Variants in ZNF891 observed in about 807,000 individuals in gnomAD.
The protein encoded by ZNF891 is hCG1646157.
For missense variants in ZNF891, 589 were observed against 632.7 expected, an observed-to-expected ratio of 0.93 and a Z score of 0.74; for synonymous variants, 199 against 209.0, an observed-to-expected ratio of 0.95 and a Z score of 0.41.
At chr12:133,125,743 G>T in intron 1 of ZNF891, 6 of 422,128 alleles carry the variant, frequency 1.4e-5, no homozygotes, top group Non-Finnish European at 2.8e-5. Flanking sequence ...GAAGAGGATA[G>T]AAGGTAACAC....
chr12:133,113,147 G>A lies in ZNF891; in HGVS notation c.*7137C>T, dbSNP rs1019435009. ...ATATATTTTTCAATTTTTTTAATCT[G>A]GTATTTAAAAAAATGAAAAGAATCT... is the stretch of plus-strand genomic sequence containing the variant. On this transcript the variant is annotated 3_prime_UTR_variant, in exon 2 of 2. Coordinates refer to ENST00000537226, the MANE Select transcript of ZNF891 (RefSeq NM_001277291.2). 6.7e-6 allele frequency: 1 copy of A among 148,196 alleles called. No individual in the cohort carries two copies. Among genetic ancestry groups the A allele is most frequent in the Non-Finnish European group, 1.5e-5 (1 of 67,172 alleles). 9.2% of individuals were successfully genotyped at this position (148,196 alleles called of 1,614,324 possible).
chr12:133,117,674 T>C lies in ZNF891; in HGVS notation c.*2610A>G, dbSNP rs1467507799. ...TAGAATTCAAACATGTTCTAGTTTT[T>C]CATATTTTAAACATATTATCTCTTT... On this transcript the variant is annotated 3_prime_UTR_variant, in exon 2 of 2. Transcript: ENST00000537226. 1.3e-5 allele frequency: 2 copies of C among 152,260 alleles called. No homozygotes were observed. The highest frequency in any genetic ancestry group is 2.9e-5 in the Non-Finnish European group (2 of 68,044). The allele number at this position is 152,260 out of a possible 1,614,324, so 9.4% of individuals were successfully genotyped here. A position where few individuals can be genotyped will look rare whatever the true frequency, so the allele number is the denominator to read the frequency against.
chr12:133,121,964 G>A lies in ZNF891; in HGVS notation c.-46C>T, dbSNP rs1186185582. ...CACAGTAGAGTAGAGAGATCAGGAT[G>A]TTTCTGTTCTTGTGTCTCCAATCCA... On this transcript the variant is annotated 5_prime_UTR_variant, in exon 2 of 2. Coordinates refer to ENST00000537226, the MANE Select transcript of ZNF891 (RefSeq NM_001277291.2). 5 of 1,460,832 alleles carry A rather than the reference G, an allele frequency of 3.4e-6. No homozygotes were observed. The Admixed American group carries it at 9.5e-5, about 28-fold the overall frequency. The allele number at this position is 1,460,832 out of a possible 1,614,324, so 90.5% of individuals were successfully genotyped here. A position where few individuals can be genotyped will look rare whatever the true frequency, so the allele number is the denominator to read the frequency against.
In ZNF891 at chr12:133,112,011, T is replaced by C. The variant is rs1000393154; in HGVS notation, c.*8273A>G. The C allele has an allele frequency of 2.0e-5, 3 of 152,176 alleles. No homozygotes were observed. The highest frequency in any genetic ancestry group is 4.8e-5 in the African/African-American group (2 of 41,440). The allele number at this position is 152,176 out of a possible 1,614,324, so 9.4% of individuals were successfully genotyped here. A position where few individuals can be genotyped will look rare whatever the true frequency, so the allele number is the denominator to read the frequency against. The stretch of plus-strand genomic sequence containing the variant: ...TTCAATCTCTGAAAAACTTAAATAG[T>C]TCCTCATAACTCTTCAAATAAAGTA... On this transcript the variant is annotated 3_prime_UTR_variant, in exon 2 of 2. Transcript: ENST00000537226.
chr12:133,111,610 A>G lies in ZNF891; in HGVS notation c.*8674T>C, dbSNP rs766095737. 2.0e-5 allele frequency: 3 copies of G among 152,258 alleles called. No homozygotes were observed. Among genetic ancestry groups the G allele is most frequent in the Non-Finnish European group, 4.4e-5 (3 of 68,032 alleles). 9.4% of individuals were successfully genotyped at this position (152,258 alleles called of 1,614,324 possible). On this transcript the variant is annotated 3_prime_UTR_variant, in exon 2 of 2. Transcript: ENST00000537226. Reference sequence around the variant, plus strand: ...TTGCATGGAAAAAAATGGATATTGCATCAAAAAATATTTTAGAAAAATCAA... The same window carrying G: ...TTGCATGGAAAAAAATGGATATTGCGTCAAAAAATATTTTAGAAAAATCAA...
At position 133,106,739 on chromosome 12, in the gene ZNF891, C is replaced by A; in HGVS notation, c.*13545G>T. 3 of 1,243,900 alleles carry A rather than the reference C, an allele frequency of 2.4e-6. No homozygotes were observed. The highest frequency in any genetic ancestry group is 2.2e-6 in the Non-Finnish European group (2 of 915,850). 77.1% of individuals were successfully genotyped at this position (1,243,900 alleles called of 1,614,324 possible). On this transcript the variant is annotated 3_prime_UTR_variant, in exon 2 of 2. Coordinates refer to ENST00000537226, the MANE Select transcript of ZNF891 (RefSeq NM_001277291.2). Reference sequence around the variant, plus strand: ...ACTTCAGAGAACTCTTGGAAAGAAGCCTTATGTGAAAGTGATGACTGTGAA... The same window carrying A: ...ACTTCAGAGAACTCTTGGAAAGAAGACTTATGTGAAAGTGATGACTGTGAA...
At chr12:133,125,822 A>G (rs1955809917) in intron 1 of ZNF891, 1 of 499,416 alleles carries the variant, frequency 2.0e-6, no homozygotes, top group Non-Finnish European at 4.0e-6. Context: ...CAGGCTTGTG[A>G]AGAAGCTCTA....
Position 133,106,746 on chromosome 12 carries a change from T to C in ZNF891, c.*13538A>G. ...AGAACTCTTGGAAAGAAGCCTTATG[T>C]GAAAGTGATGACTGTGAAGTAATAT... On this transcript the variant is annotated 3_prime_UTR_variant, in exon 2 of 2. Transcript: ENST00000537226. 8.7e-7 allele frequency: 1 copy of C among 1,152,140 alleles called. No homozygotes were observed. Among genetic ancestry groups the C allele is most frequent in the East Asian group, 2.5e-5 (1 of 39,948 alleles). The allele number at this position is 1,152,140 out of a possible 1,614,324, so 71.4% of individuals were successfully genotyped here.
rs938669017 is a variant in ZNF891, at chr12:133,105,442, G to C, written c.*14842C>G. The C allele has an allele frequency of 2.1e-4, 297 of 1,439,140 alleles. No individual in the cohort carries two copies. Among genetic ancestry groups the C allele is most frequent in the Admixed American group, 4.2e-4 (15 of 35,846 alleles). The allele number at this position is 1,439,140 out of a possible 1,614,324, so 89.1% of individuals were successfully genotyped here. A position where few individuals can be genotyped will look rare whatever the true frequency, so the allele number is the denominator to read the frequency against. On this transcript the variant is annotated 3_prime_UTR_variant, in exon 2 of 2. Coordinates refer to ENST00000537226, the MANE Select transcript of ZNF891 (RefSeq NM_001277291.2). ...AAACTTCATTCTGTTGCTAAAGAAG[G>C]GAGAAATGGCCTTATTTTATTCAAT...
rs1374025709 is a variant in ZNF891, at chr12:133,117,209, ATCATAT to A, written c.*3069_*3074del. 6.6e-6 allele frequency: 1 copy of A among 152,180 alleles called. No individual in the cohort carries two copies. The highest frequency in any genetic ancestry group is 1.5e-5 in the Non-Finnish European group (1 of 68,040). 9.4% of individuals were successfully genotyped at this position (152,180 alleles called of 1,614,324 possible). ...AGATAATCTTACCATGAAACCTATA[ATCATAT>A]ATCTATATTTTACTGGCCAGGAACA... On this transcript the variant is annotated 3_prime_UTR_variant, in exon 2 of 2. Coordinates refer to ENST00000537226, the MANE Select transcript of ZNF891 (RefSeq NM_001277291.2).
chr12:133,122,321 T>C, intron 1 of ZNF891: 3 of 689,488 alleles, frequency 4.4e-6, no homozygotes, highest in Non-Finnish European at 5.4e-6. Flanking sequence ...CAGTAAAAAA[T>C]GCATGGCTGT....
rs931806538 is a variant in ZNF891, at chr12:133,109,142, A to AT, written c.*11141dup. ...TAACTATCAATGAATTATTATGTTC[A>AT]TTTTTTCCCTTAGCCAGAGAAAGGC... On this transcript the variant is annotated 3_prime_UTR_variant, in exon 2 of 2. Transcript: ENST00000537226. 2.2e-4 allele frequency: 33 copies of AT among 152,318 alleles called. No individual in the cohort carries two copies. Among genetic ancestry groups the AT allele is most frequent in the Middle Eastern group, 3.4e-3 (1 of 294 alleles). 9.4% of individuals were successfully genotyped at this position (152,318 alleles called of 1,614,324 possible).
Position 133,121,174 on chromosome 12 carries a change from C to T in ZNF891, c.745G>A (p.Glu249Lys), listed in dbSNP as rs7953400. Residue 249 changes from glutamate to lysine, a missense_variant, in exon 2 of 2, where the codon GAA becomes AAA. Glu to Lys is a moderately conservative substitution (Grantham distance 56). Transcript: ENST00000537226. ...AAATGCCATAGAGTTGTATCACATT[C>T]ATGACTTTCATAGAGCTTCTCACTT... ...SISEKLYESH[E>K]CDTTLWHFQR... is the part of the protein sequence containing the mutation. The T allele has an allele frequency of 0.05, 76,882 of 1,535,204 alleles. 2,968 individuals are homozygous for T. The highest frequency in any genetic ancestry group is 0.2 in the African/African-American group (14,310 of 73,068).
rs767006608 is a variant in ZNF891, at chr12:133,120,090, CTCACA to C, written c.*189_*193del. ...AAAAGATAACTGAAAATATACCTAC[CTCACA>C]TATTAAAAATACCTAATTCTAAACA... is the stretch of plus-strand genomic sequence containing the variant. On this transcript the variant is annotated 3_prime_UTR_variant, in exon 2 of 2. Transcript: ENST00000537226. 8.2e-4 allele frequency: 390 copies of C among 474,174 alleles called. 7 individuals are homozygous for C. In the East Asian group the frequency reaches 0.01, roughly 13 times the overall value. The allele number at this position is 474,174 out of a possible 1,614,324, so 29.4% of individuals were successfully genotyped here.
chr12:133,104,845 A>G lies in ZNF891; in HGVS notation c.*15439T>C, dbSNP rs1051698256. Among the ~76,000 whole-genome samples, 4 of 152,190 alleles carry G rather than the reference A, an allele frequency of 2.6e-5. No homozygotes were observed. The highest frequency in any genetic ancestry group is 1.3e-4 in the Admixed American group (2 of 15,286). ...TTAGGTTAAAGGTTACTCATGTTAC[A>G]TGAGCAAATTGTGTGTCATGGGGGT... On this transcript the variant is annotated 3_prime_UTR_variant, in exon 2 of 2. Coordinates refer to ENST00000537226, the MANE Select transcript of ZNF891 (RefSeq NM_001277291.2).
Position 133,106,012 on chromosome 12 carries a change from T to C in ZNF891, c.*14272A>G. On this transcript the variant is annotated 3_prime_UTR_variant, in exon 2 of 2. Coordinates refer to ENST00000537226, the MANE Select transcript of ZNF891 (RefSeq NM_001277291.2). ...GAACGCACACTGGGGAGAAACCTTA[T>C]GAATGTACTGAGTGTGGAAAGGCCT... 2 of 1,614,170 alleles carry C rather than the reference T, an allele frequency of 1.2e-6. No homozygotes were observed. The highest frequency in any genetic ancestry group is 8.5e-7 in the Non-Finnish European group (1 of 1,180,046).
rs1955710465 is a variant in ZNF891, at chr12:133,115,402, A to AAAAAAAAAAAAAAAAAC, written c.*4881_*4882insGTTTTTTTTTTTTTTTT. ...CAAAACTCCTTCTCAAAAAAAAAAA[A>AAAAAAAAAAAAAAAAAC]AAAAAAAAAAAAAAGATGTGGGATA... On this transcript the variant is annotated 3_prime_UTR_variant, in exon 2 of 2. Transcript: ENST00000537226. The AAAAAAAAAAAAAAAAAC allele has an allele frequency of 6.7e-6, 1 of 149,912 alleles. No individual in the cohort carries two copies. Among genetic ancestry groups the AAAAAAAAAAAAAAAAAC allele is most frequent in the Non-Finnish European group, 1.5e-5 (1 of 67,300 alleles). The allele number at this position is 149,912 out of a possible 1,614,324, so 9.3% of individuals were successfully genotyped here. A position where few individuals can be genotyped will look rare whatever the true frequency, so the allele number is the denominator to read the frequency against.
At chr12:133,122,136 C>G (rs1955769712) in intron 1 of ZNF891, 112 bp from the exon 2 acceptor site, 2 of 1,307,662 alleles carry the variant, frequency 1.5e-6, no homozygotes, top group Non-Finnish European at 1.9e-6. Flanking sequence ...TCAGCAAGGT[C>G]TAACCAGCTT....
rs1241279789 is a variant in ZNF891 at position 133,110,404 on chromosome 12, A to G, written c.*9880T>C. Reference sequence around the variant, plus strand: ...AAAGTTTTTTAAAAGAAGTCTCCCAAAAGGTTATTAAAACTAATCTTCAGC... The same window carrying G: ...AAAGTTTTTTAAAAGAAGTCTCCCAGAAGGTTATTAAAACTAATCTTCAGC... On this transcript the variant is annotated 3_prime_UTR_variant, in exon 2 of 2. Transcript: ENST00000537226. 1.3e-5 allele frequency: 2 copies of G among 152,224 alleles called. No homozygotes were observed. The highest frequency in any genetic ancestry group is 2.1e-4 in the South Asian group (1 of 4,830). 9.4% of individuals were successfully genotyped at this position (152,224 alleles called of 1,614,324 possible).
Sources: allele counts gnomAD v4.1 joint callset (sites outside exome capture counted in the v4.1 genomes callset), GRCh38; gene constraint gnomAD v4.1.1; transcripts MANE v1.5; gene names NCBI Gene and HGNC (gene_info 2026-07-23, HGNC 2026-07-21).